The following PKHD1 variants were observed in gnomAD, a reference collection of about 807,000 sequenced individuals.
PKHD1 encodes fibrocystin.
PKHD1 carries 291 observed loss-of-function variants against 412.0 expected under a neutral mutation model. The observed-to-expected ratio is 0.71, with a 90% confidence interval of 0.64 to 0.78. The LOEUF (loss-of-function observed/expected upper bound fraction) is 0.78. Among genes scored for constraint, PKHD1 ranks in the 30% least tolerant of loss-of-function variants. The pLI is 0.00. For missense variants in PKHD1, 4,825 were observed against 4,950.7 expected (o/e 0.97, Z 0.76); for synonymous variants, 1,777 against 1,821.5 (o/e 0.98, Z 0.62).
rs1163890245 is a variant in PKHD1 at position 51,619,085 on chromosome 6, A to G, written c.12221T>C (p.Leu4074Pro). Residue 4074 changes from leucine (L) to proline (P), a missense_variant, in exon 67 of 67, where the codon CTG (leucine) becomes CCG (proline). Physicochemically the swap from Leu to Pro is moderately conservative, Grantham distance 98 (BLOSUM62 -3). Coordinates refer to ENST00000371117, the MANE Select transcript of PKHD1 (RefSeq NM_138694.4). Reference protein sequence around the residue: ...SVHPETIQEQL With the variant: ...SVHPETIQEQP Reference sequence around the variant, plus strand: ...AAATGCCCCCAACTTCCCTGATCACAGTTGCTCCTGAATAGTTTCCGGGTG... The same window carrying G: ...AAATGCCCCCAACTTCCCTGATCACGGTTGCTCCTGAATAGTTTCCGGGTG... The G allele has an allele frequency of 6.2e-7, 1 of 1,613,940 alleles. No individual in the cohort carries two copies. Among genetic ancestry groups the G allele is most frequent in the African/African-American group, 1.3e-5 (1 of 74,954 alleles).
At chr6:51,746,144 A>G (rs551226027) in intron 59 of PKHD1, among the ~76,000 whole-genome samples, 1 of 152,292 alleles carries the variant, frequency 6.6e-6, no homozygotes, top group East Asian at 1.9e-4. Context: ...TGAAACTCTT[A>G]GATCATATGT....
chr6:51,960,066 G>A (rs1479599605), intron 35 of PKHD1, 40 bp from the exon 36 acceptor site: 1 of 1,607,632 alleles, frequency 6.2e-7, no homozygotes, highest in Non-Finnish European at 8.5e-7. Context: ...TGGTTGGTTG[G>A]TTGGCTGGTC....
intron 59 of PKHD1, among the ~76,000 whole-genome samples, chr6:51,744,868 C>T (rs1562214202): frequency 2.0e-5 from 3 of 151,970 alleles, no homozygotes; most frequent in Non-Finnish European, 4.4e-5. Context: ...TTAGGAATTT[C>T]AGGGGTTTGC....
intron 11 of PKHD1, among the ~76,000 whole-genome samples, chr6:52,067,111 G>A (rs1349414781): frequency 6.6e-6 from 1 of 152,080 alleles, no homozygotes; most frequent in Non-Finnish European, 1.5e-5. Context: ...CTGAAAAATA[G>A]ACATTTTAGG....
intron 4 of PKHD1, among the ~76,000 whole-genome samples, chr6:52,081,330 T>C (rs559480685): frequency 1.3e-5 from 2 of 152,314 alleles, no homozygotes; most frequent in East Asian, 3.9e-4. Flanking sequence ...AGTAGTGGTA[T>C]AAAAATGTTA....
Position 52,017,616 on chromosome 6 carries a change from G to A in PKHD1, c.5394C>T (p.Phe1798=). ...LVLPLDVSLA[F]LCGLKREEDS... ...CCTCCTCACGCTTCAGGCCACACAG[G>A]AAGGCCAAGGACACTGCAGGAAACA... Residue 1798 remains phenylalanine (F), a synonymous_variant, in exon 34 of 67, where the codon TTC becomes TTT. Transcript: ENST00000371117. 2.5e-6 allele frequency: 4 copies of A among 1,613,292 alleles called. No homozygotes were observed. Among genetic ancestry groups the A allele is most frequent in the Non-Finnish European group, 3.4e-6 (4 of 1,179,686 alleles).
chr6:51,710,010 A>G (rs1218497189), intron 60 of PKHD1, among the ~76,000 whole-genome samples: 2 of 152,034 alleles, frequency 1.3e-5, no homozygotes, highest in Admixed American at 1.3e-4. Flanking sequence ...GGAGATCAAG[A>G]CCATCCTAGC....
rs931506533 is a variant in PKHD1, at chr6:52,066,295, G to A, written c.779-218C>T. On this transcript the variant is annotated intron_variant, in intron 11 of 66. Coordinates refer to ENST00000371117, the MANE Select transcript of PKHD1 (RefSeq NM_138694.4). ...ATCGAGGATCAATATTTGAAAGGAA[G>A]GGGAAATGTGGAATCATTCATGGTA... Among the ~76,000 whole-genome samples the A allele has an allele frequency of 2.0e-5, 3 of 152,128 alleles. No individual in the cohort carries two copies. In the East Asian group the frequency reaches 5.8e-4, roughly 29 times the overall value.
chr6:51,992,005 C>T (rs539912604), intron 35 of PKHD1, among the ~76,000 whole-genome samples: 3 of 152,230 alleles, frequency 2.0e-5, no homozygotes, highest in Non-Finnish European at 4.4e-5. Context: ...AGCACAGGCT[C>T]TGGAATCATT....
chr6:51,960,378 C>T (rs1320631534), intron 35 of PKHD1, among the ~76,000 whole-genome samples: 1 of 152,008 alleles, frequency 6.6e-6, no homozygotes, highest in East Asian at 1.9e-4. Flanking sequence ...AGCACAGGCC[C>T]CATTCTACCT....
intron 28 of PKHD1, among the ~76,000 whole-genome samples, chr6:52,033,774 A>T (rs1250659948): frequency 6.6e-6 from 1 of 152,172 alleles, no homozygotes; most frequent in Non-Finnish European, 1.5e-5. Context: ...GATAGCTTCA[A>T]GGAAAATGAA....
At chr6:51,807,731 G>A (rs1764067736) in intron 52 of PKHD1, among the ~76,000 whole-genome samples, 1 of 151,844 alleles carries the variant, frequency 6.6e-6, no homozygotes, top group Non-Finnish European at 1.5e-5. Context: ...TTTACATATG[G>A]AGTCTTTGTA....
At chr6:51,803,132 CTAAAT>C (rs1763196790) in intron 52 of PKHD1, among the ~76,000 whole-genome samples, 1 of 151,164 alleles carries the variant, frequency 6.6e-6, no homozygotes, top group South Asian at 2.1e-4. Flanking sequence ...TGTTGTGCTC[CTAAAT>C]TAATAAAGTG....
intron 11 of PKHD1, among the ~76,000 whole-genome samples, chr6:52,068,028 G>A (rs1245515804): frequency 1.3e-5 from 2 of 152,110 alleles, no homozygotes; most frequent in Non-Finnish European, 2.9e-5. Context: ...ATAAATAAGA[G>A]AGAAAACTGG....
chr6:52,050,900 T>C (rs1281447490), intron 21 of PKHD1, among the ~76,000 whole-genome samples: 4 of 152,248 alleles, frequency 2.6e-5, no homozygotes, highest in Non-Finnish European at 4.4e-5. Context: ...ATGACATGCA[T>C]GATTGATAGC....
intron 52 of PKHD1, among the ~76,000 whole-genome samples, chr6:51,797,861 T>C (rs1794844036): frequency 6.6e-6 from 1 of 152,146 alleles, no homozygotes; most frequent in Non-Finnish European, 1.5e-5. Flanking sequence ...TGCTAGCTAG[T>C]TATTTTGCAG....
intron 60 of PKHD1, among the ~76,000 whole-genome samples, chr6:51,714,109 G>C (rs6920806): frequency 0.7 from 106,865 of 152,048 alleles, 38,413 homozygotes; most frequent in East Asian, 0.91. Flanking sequence ...CAGTGGCTCA[G>C]GCCTGTAATC....
chr6:52,015,247 T>A (rs1031007068), intron 34 of PKHD1, among the ~76,000 whole-genome samples: 7 of 152,238 alleles, frequency 4.6e-5, no homozygotes, highest in Non-Finnish European at 8.8e-5. Flanking sequence ...AAAACTTGTT[T>A]CATTGCAAAT....
At chr6:51,916,424 T>G (rs988707247) in intron 37 of PKHD1, among the ~76,000 whole-genome samples, 1 of 152,144 alleles carries the variant, frequency 6.6e-6, no homozygotes, top group Admixed American at 6.6e-5. Context: ...ATTGTACAGA[T>G]AGGAAACTAT....
Sources: gnomAD v4.1 joint callset for allele counts (sites outside exome capture counted in the v4.1 genomes callset) on GRCh38, gnomAD v4.1.1 for gene constraint, MANE v1.5 for transcripts, NCBI Gene and HGNC (gene_info 2026-07-23, HGNC 2026-07-21) for gene names.